UBE2W: variants seen among roughly 807,000 people sequenced by gnomAD.
UBE2W encodes the protein ubiquitin conjugating enzyme E2 W.
In UBE2W, 18 loss-of-function variants were observed where a neutral mutation model predicts 27.2. That is an observed-to-expected ratio of 0.66 (90% confidence interval 0.46 to 0.98). The LOEUF (loss-of-function observed/expected upper bound fraction) is 0.98, where lower values mean the gene tolerates loss of function less well. Among genes scored for constraint, UBE2W ranks in the 50% least tolerant of loss-of-function variants. The pLI is 0.00. For synonymous variants in UBE2W, 53 were observed against 57.2 expected (o/e 0.93, Z 0.33); for missense variants, 90 against 180.2 (o/e 0.50, Z 2.87).
intron 1 of UBE2W, among the ~76,000 whole-genome samples, chr8:73,860,281 T>G (rs1410503835): frequency 6.6e-6 from 1 of 152,208 alleles, no homozygotes; most frequent in African/African-American, 2.4e-5. Flanking sequence ...TGTATAAATT[T>G]TCCTTTTCAA....
intron 3 of UBE2W, among the ~76,000 whole-genome samples, chr8:73,820,976 A>T (rs1809589133): frequency 6.6e-6 from 1 of 152,138 alleles, no homozygotes; most frequent in Non-Finnish European, 1.5e-5. Context: ...AAAGTAAATT[A>T]AAAAAGGAAT....
At chr8:73,873,757 C>T (rs1205595676) in intron 1 of UBE2W, among the ~76,000 whole-genome samples, 1 of 152,186 alleles carries the variant, frequency 6.6e-6, no homozygotes, top group African/African-American at 2.4e-5. Context: ...GTTATTAAAT[C>T]TCAACCTCCT....
At chr8:73,854,572 T>C (rs1187494368) in intron 1 of UBE2W, among the ~76,000 whole-genome samples, 1 of 152,240 alleles carries the variant, frequency 6.6e-6, no homozygotes, top group East Asian at 1.9e-4. Flanking sequence ...GTCAATATTT[T>C]CCAGTGAACA....
Position 73,793,058 on chromosome 8 carries a change from CTT to C in UBE2W, c.*1042_*1043del, listed in dbSNP as rs1808267752. 1.0e-6 allele frequency: 1 copy of C among 985,484 alleles called. No individual in the cohort carries two copies. The highest frequency in any genetic ancestry group is 1.2e-6 in the Non-Finnish European group (1 of 829,670). The allele number at this position is 985,484 out of a possible 1,614,324, so 61.0% of individuals were successfully genotyped here. On this transcript the variant is annotated 3_prime_UTR_variant, in exon 6 of 6. Transcript: ENST00000602593. ...AGTAAAGAAAATTTACAAGAAAAAA[CTT>C]AACAAAAGTTTCAATAAAAGTATTG...
Position 73,839,330 on chromosome 8 carries a change from T to A in UBE2W, c.16-8858A>T, listed in dbSNP as rs540812796. 3.1e-4 allele frequency among the ~76,000 whole-genome samples: 45 copies of A among 145,392 alleles called. No homozygotes were observed. The East Asian group carries it at 8.4e-3, about 27-fold the overall frequency. ...TATTTTGAATCATGGAAGACATTTT[T>A]TTAAAATGCTCCTAGTTAAAAAAAA... On this transcript the variant is annotated intron_variant, in intron 1 of 5. Coordinates refer to ENST00000602593, the MANE Select transcript of UBE2W (RefSeq NM_018299.6).
At position 73,786,442 on chromosome 8, in the gene UBE2W, C is replaced by T; in HGVS notation, c.*7660G>A. The T allele has an allele frequency of 2.0e-6, 2 of 984,742 alleles. No individual in the cohort carries two copies. Among genetic ancestry groups the T allele is most frequent in the Non-Finnish European group, 2.4e-6 (2 of 829,336 alleles). 61.0% of individuals were successfully genotyped at this position (984,742 alleles called of 1,614,324 possible). A position where few individuals can be genotyped will look rare whatever the true frequency, so the allele number is the denominator to read the frequency against. On this transcript the variant is annotated 3_prime_UTR_variant, in exon 6 of 6. Transcript: ENST00000602593. ...GCCTATGTGCTACAGGTACTGTATACTAGGTACTGTGTGCTACGTGCTGGG... is the reference window on the plus strand; with the variant it reads ...GCCTATGTGCTACAGGTACTGTATATTAGGTACTGTGTGCTACGTGCTGGG...
rs575963799 is a variant in UBE2W, at chr8:73,877,072, A to G, written c.15+1736T>C. Among the ~76,000 whole-genome samples the G allele has an allele frequency of 2.9e-3, 439 of 152,362 alleles. 1 individual carries two copies. The highest frequency in any genetic ancestry group is 5.9e-3 in the Admixed American group (90 of 15,304). ...GATACTAAATCTAACGAGATGACAC[A>G]CTACGTTCTCTTGTCAAATACAAGT... On this transcript the variant is annotated intron_variant, in intron 1 of 5. Coordinates refer to ENST00000602593, the MANE Select transcript of UBE2W (RefSeq NM_018299.6).
intron 2 of UBE2W, 42 bp downstream of exon 2, chr8:73,830,339 T>C (rs1258970164): frequency 7.3e-5 from 101 of 1,388,896 alleles, no homozygotes; most frequent in Non-Finnish European, 7.1e-6. Context: ...TCATACATTA[T>C]TGGTAATAAA....
At position 73,790,343 on chromosome 8, in the gene UBE2W, G is replaced by T. The variant is rs994529615; in HGVS notation, c.*3759C>A. On this transcript the variant is annotated 3_prime_UTR_variant, in exon 6 of 6. Coordinates refer to ENST00000602593, the MANE Select transcript of UBE2W (RefSeq NM_018299.6). ...ACAAAGAGGATTGGGGCCAGTTGGT[G>T]CAGATTAAAAGACACCTTCTTCACA... 1 of 985,288 alleles carries T rather than the reference G, an allele frequency of 1.0e-6. No individual in the cohort carries two copies. The highest frequency in any genetic ancestry group is 1.7e-5 in the African/African-American group (1 of 57,236). The allele number at this position is 985,288 out of a possible 1,614,324, so 61.0% of individuals were successfully genotyped here. A position where few individuals can be genotyped will look rare whatever the true frequency, so the allele number is the denominator to read the frequency against.
intron 5 of UBE2W, among the ~76,000 whole-genome samples, chr8:73,794,870 G>GAAAAAAAAAAAAAAAAAAAAAAAAAAA (rs745852858): frequency 9.7e-6 from 1 of 103,554 alleles, no homozygotes. Context: ...AAAAAAAAAA[G>GAAAAAAAAAAAAAAAAAAAAAAAAAAA]AAAAAAAAAA....
At chr8:73,855,056 T>C (rs921191974) in intron 1 of UBE2W, among the ~76,000 whole-genome samples, 3 of 152,236 alleles carry the variant, frequency 2.0e-5, no homozygotes, top group African/African-American at 7.2e-5. Context: ...CTACAGTATG[T>C]ATGAAGCAGT....
chr8:73,823,688 T>A (rs78854633), intron 3 of UBE2W, among the ~76,000 whole-genome samples: 8,673 of 152,244 alleles, frequency 0.057, 813 homozygotes, highest in African/African-American at 0.19. Flanking sequence ...GAGGTCACAA[T>A]AGCACATACC....
intron 5 of UBE2W, among the ~76,000 whole-genome samples, chr8:73,801,424 A>G (rs1397726934): frequency 6.6e-6 from 1 of 152,224 alleles, no homozygotes; most frequent in Non-Finnish European, 1.5e-5. Flanking sequence ...AAAAAAACTC[A>G]TCTTCTAAAA....
intron 5 of UBE2W, among the ~76,000 whole-genome samples, chr8:73,798,817 T>C (rs532628460): frequency 1.3e-4 from 20 of 152,344 alleles, no homozygotes; most frequent in Admixed American, 5.2e-4. Flanking sequence ...TAGAACTGTA[T>C]GCAGATCTGT....
At chr8:73,830,099 T>C (rs1810010873) in intron 2 of UBE2W, among the ~76,000 whole-genome samples, 1 of 152,166 alleles carries the variant, frequency 6.6e-6, no homozygotes, top group Non-Finnish European at 1.5e-5. Context: ...TAGATGAGAA[T>C]CACTTCATAA....
intron 1 of UBE2W, among the ~76,000 whole-genome samples, chr8:73,847,039 C>T (rs960031737): frequency 1.3e-5 from 2 of 151,888 alleles, no homozygotes; most frequent in African/African-American, 2.4e-5. Flanking sequence ...CGTGGTGGCA[C>T]GCACCTGTAA....
rs1230609902 is a variant in UBE2W, at chr8:73,878,847, G to C, written c.-25C>G. On this transcript the variant is annotated 5_prime_UTR_variant, in exon 1 of 6. Coordinates refer to ENST00000602593, the MANE Select transcript of UBE2W (RefSeq NM_018299.6). ...TGATGGAACCATCCCCCCAAGACCGGCGAGGCCAGAGACGCAGGGGGAGGA... is the reference window on the plus strand; with the variant it reads ...TGATGGAACCATCCCCCCAAGACCGCCGAGGCCAGAGACGCAGGGGGAGGA... 2 of 1,548,430 alleles carry C rather than the reference G, an allele frequency of 1.3e-6. No homozygotes were observed. The highest frequency in any genetic ancestry group is 1.7e-6 in the Non-Finnish European group (2 of 1,145,254).
At chr8:73,833,848 T>C (rs944489944) in intron 1 of UBE2W, 6 of 152,334 alleles carry the variant, frequency 3.9e-5, no homozygotes, top group Non-Finnish European at 8.8e-5. Flanking sequence ...ATGGGAGTTT[T>C]GACCTGCTCT....
chr8:73,846,944 G>A (rs1240455261), intron 1 of UBE2W, among the ~76,000 whole-genome samples: 8 of 152,032 alleles, frequency 5.3e-5, no homozygotes, highest in African/African-American at 1.7e-4. Flanking sequence ...AGGCCGAGGC[G>A]GGTGGATCAC....
Sources: gnomAD v4.1 joint callset for allele counts (sites outside exome capture counted in the v4.1 genomes callset) on GRCh38, gnomAD v4.1.1 for gene constraint, MANE v1.5 for transcripts, NCBI Gene and HGNC (gene_info 2026-07-23, HGNC 2026-07-21) for gene names.